The following APBA2 variants were observed in gnomAD, a reference collection of about 807,000 sequenced individuals.
The protein encoded by APBA2 is amyloid-beta A4 precursor protein-binding family A member 2.
APBA2 carries 30 observed loss-of-function variants against 75.0 expected under a neutral mutation model. The observed-to-expected ratio is 0.40, with a 90% confidence interval of 0.30 to 0.54. The LOEUF (loss-of-function observed/expected upper bound fraction) is 0.54, where lower values mean the gene tolerates loss of function less well. APBA2 is among the 20% of genes least tolerant of loss of function. APBA2 has a pLI of 0.49. For missense variants in APBA2, 801 were observed against 1,016.1 expected (o/e 0.79, Z 2.88); for synonymous variants, 444 against 409.6 (o/e 1.08, Z -1.01).
chr15:29,053,032 T>C (rs1341389939), intron 3 of APBA2, among the ~76,000 whole-genome samples: 1 of 152,152 alleles, frequency 6.6e-6, no homozygotes, highest in Non-Finnish European at 1.5e-5. Flanking sequence ...GCATGAACTT[T>C]GGGGGACATA....
intron 1 of APBA2, among the ~76,000 whole-genome samples, chr15:28,912,943 T>C (rs1230886966): frequency 6.6e-6 from 1 of 152,256 alleles, no homozygotes; most frequent in Non-Finnish European, 1.5e-5. Flanking sequence ...GAATACCTGC[T>C]GTGTGCTAGG....
At chr15:29,066,843 C>T (rs1346443548) in intron 4 of APBA2, among the ~76,000 whole-genome samples, 1 of 152,092 alleles carries the variant, frequency 6.6e-6, no homozygotes, top group African/African-American at 2.4e-5. Flanking sequence ...ATTATCACAC[C>T]GTGTTAGGCT....
chr15:29,082,070 C>T (rs1242176399), intron 6 of APBA2, among the ~76,000 whole-genome samples: 2 of 152,224 alleles, frequency 1.3e-5, no homozygotes, highest in African/African-American at 4.8e-5. Context: ...ATATAAGCTC[C>T]AGGCCGATGG....
chr15:29,016,093 C>T (rs1287321726), intron 3 of APBA2, among the ~76,000 whole-genome samples: 2 of 152,182 alleles, frequency 1.3e-5, no homozygotes, highest in Non-Finnish European at 1.5e-5. Flanking sequence ...CCTGTCTCTA[C>T]TACAAACACA....
chr15:29,069,705 G>A (rs1183673453), intron 4 of APBA2, among the ~76,000 whole-genome samples: 2 of 152,188 alleles, frequency 1.3e-5, no homozygotes, highest in Non-Finnish European at 2.9e-5. Context: ...TCCTAGGTCA[G>A]GGTCTTTGTT....
At chr15:29,085,215 T>C (rs889589682) in intron 6 of APBA2, among the ~76,000 whole-genome samples, 6 of 152,188 alleles carry the variant, frequency 3.9e-5, no homozygotes, top group African/African-American at 1.4e-4. Flanking sequence ...TTTCTTCTCT[T>C]TTTTGAAAAA....
rs577606486 is a variant in APBA2 at position 29,005,356 on chromosome 15, G to A, written c.-41+9550G>A. On this transcript the variant is annotated intron_variant, in intron 3 of 14. Coordinates refer to ENST00000683413, the MANE Select transcript of APBA2 (RefSeq NM_001353788.2). Reference sequence around the variant, plus strand: ...GCTCACTGCAGCCTCAACCTCCTGGGCTCAAGCGGTCCTCCCACCTTGGTC... The same window carrying A: ...GCTCACTGCAGCCTCAACCTCCTGGACTCAAGCGGTCCTCCCACCTTGGTC... Among the ~76,000 whole-genome samples, 3 of 152,110 alleles carry A rather than the reference G, an allele frequency of 2.0e-5. No homozygotes were observed. In the East Asian group the frequency reaches 5.8e-4, roughly 30 times the overall value.
At chr15:28,933,777 C>T (rs185318920) in intron 2 of APBA2, among the ~76,000 whole-genome samples, 4 of 152,324 alleles carry the variant, frequency 2.6e-5, no homozygotes, top group African/African-American at 9.6e-5. Context: ...TGCCTTGTGC[C>T]AGGCCCAGCA....
chr15:29,061,219 C>A (rs1326703547), intron 4 of APBA2, among the ~76,000 whole-genome samples: 2 of 152,156 alleles, frequency 1.3e-5, no homozygotes, highest in African/African-American at 4.8e-5. Context: ...TGTTTTGGAG[C>A]CCCATCCCAC....
At position 29,095,362 on chromosome 15, in the gene APBA2, A is replaced by G. The variant is rs2043800884; in HGVS notation, c.1251+1049A>G. Among the ~76,000 whole-genome samples the G allele has an allele frequency of 4.0e-5, 6 of 151,744 alleles. No homozygotes were observed. The South Asian group carries it at 1.3e-3, about 32-fold the overall frequency. ...GAGAATCACTTGAACTCGGGAGGCA[A>G]GAGGTCGCAGTGAGCCGAGATCATG... On this transcript the variant is annotated intron_variant, in intron 8 of 14. Coordinates refer to ENST00000683413, the MANE Select transcript of APBA2 (RefSeq NM_001353788.2).
At chr15:29,010,751 C>T (rs2152814602) in intron 3 of APBA2, among the ~76,000 whole-genome samples, 1 of 152,204 alleles carries the variant, frequency 6.6e-6, no homozygotes, top group Non-Finnish European at 1.5e-5. Flanking sequence ...AAAACAACAG[C>T]ATATTTATTT....
At chr15:28,952,294 C>T (rs763394977) in intron 2 of APBA2, among the ~76,000 whole-genome samples, 19 of 151,990 alleles carry the variant, frequency 1.3e-4, no homozygotes, top group Non-Finnish European at 2.2e-4. Flanking sequence ...CTTTGAGAGC[C>T]TGAGGCAGGA....
intron 3 of APBA2, among the ~76,000 whole-genome samples, chr15:29,024,392 T>C (rs980923523): frequency 6.6e-6 from 1 of 152,212 alleles, no homozygotes; most frequent in Non-Finnish European, 1.5e-5. Context: ...GTTACCAGAA[T>C]GTCCTCTACA....
chr15:29,104,742 C>T (rs1011045971), intron 10 of APBA2, among the ~76,000 whole-genome samples: 5 of 152,120 alleles, frequency 3.3e-5, no homozygotes, highest in Non-Finnish European at 7.3e-5. Flanking sequence ...ACGATGCTCC[C>T]GGAAAACACA....
At position 29,116,716 on chromosome 15, in the gene APBA2, C is replaced by T. The variant is rs932429791; in HGVS notation, c.2179-346C>T. Among the ~76,000 whole-genome samples the T allele has an allele frequency of 5.7e-4, 87 of 152,248 alleles. 1 individual carries two copies. Among genetic ancestry groups the T allele is most frequent in the Admixed American group, 3.5e-3 (53 of 15,304 alleles). ...AGAGTGCATCCCTCGCAGTTTCTGC[C>T]GAGGCCTGGCCACCCCCAGCCAGCC... On this transcript the variant is annotated intron_variant, in intron 14 of 14. Coordinates refer to ENST00000683413, the MANE Select transcript of APBA2 (RefSeq NM_001353788.2).
chr15:29,101,716 A>T lies in APBA2; in HGVS notation c.1456A>T (p.Thr486Ser). The change falls in exon 10 of 15, where the codon ACC (threonine) becomes TCC (serine). Residue 486 changes from threonine to serine, a missense_variant. This residue lies in a region of APBA2 where 367 missense variants were observed against 544.5 expected (regional missense o/e 0.67). Transcript: ENST00000683413. ...PRSASQDCIE[T>S]TPGAQEGKKQ... ...GTCAGCCTCTCAGGACTGCATCGAG[A>T]CCACGCCCGGGGCCCAGGAAGGCAA... is the stretch of plus-strand genomic sequence containing the variant. The T allele has an allele frequency of 6.2e-7, 1 of 1,613,698 alleles. No homozygotes were observed. Among genetic ancestry groups the T allele is most frequent in the Non-Finnish European group, 8.5e-7 (1 of 1,180,044 alleles).
chr15:29,114,592 G>GTC (rs1221573725), intron 14 of APBA2, among the ~76,000 whole-genome samples: 2 of 152,072 alleles, frequency 1.3e-5, no homozygotes, highest in Non-Finnish European at 2.9e-5. Flanking sequence ...GTGTGTGTGT[G>GTC]TAGTGTGAGC....
Position 29,117,612 on chromosome 15 carries a change from G to A in APBA2, c.*479G>A, listed in dbSNP as rs539430144. ...ACAGCTGCCTCTGCCACTGACTGCA[G>A]GGACACGGGCAGCCTGGCTCCCAGG... On this transcript the variant is annotated 3_prime_UTR_variant, in exon 15 of 15. Coordinates refer to ENST00000683413, the MANE Select transcript of APBA2 (RefSeq NM_001353788.2). 8.8e-4 allele frequency: 152 copies of A among 172,502 alleles called. 2 individuals carry two copies. Among genetic ancestry groups the A allele is most frequent in the Middle Eastern group, 2.8e-3 (1 of 354 alleles). The allele number at this position is 172,502 out of a possible 1,614,324, so 10.7% of individuals were successfully genotyped here. A position where few individuals can be genotyped will look rare whatever the true frequency, so the allele number is the denominator to read the frequency against.
At chr15:28,989,666 T>C (rs1456745641) in intron 2 of APBA2, among the ~76,000 whole-genome samples, 1 of 152,172 alleles carries the variant, frequency 6.6e-6, no homozygotes, top group African/African-American at 2.4e-5. Flanking sequence ...ATCAGGCTCC[T>C]CACAGCAAAA....
Sources: gnomAD v4.1 joint callset for allele counts (sites outside exome capture counted in the v4.1 genomes callset) on GRCh38, gnomAD v4.1.1 for gene constraint, gnomAD v4.1.1 regional missense constraint, MANE v1.5 for transcripts, NCBI Gene and HGNC (gene_info 2026-07-23, HGNC 2026-07-21) for gene names.